TASP1: variants seen among roughly 807,000 people sequenced by gnomAD.
TASP1 encodes the protein taspase 1.
TASP1 carries 16 observed loss-of-function variants against 56.6 expected under a neutral mutation model. That is an observed-to-expected ratio of 0.28 (90% CI 0.19 to 0.43). The LOEUF (loss-of-function observed/expected upper bound fraction) is 0.43, where lower values mean the gene tolerates loss of function less well. Among genes scored for constraint, TASP1 ranks in the 20% least tolerant of loss-of-function variants. TASP1 has a pLI of 1.00. For synonymous variants in TASP1, 179 were observed against 184.2 expected (o/e 0.97, Z 0.23); for missense variants, 393 against 511.6 (o/e 0.77, Z 2.24).
intron 3 of TASP1, among the ~76,000 whole-genome samples, chr20:13,624,910 T>G (rs558315623): frequency 6.6e-6 from 1 of 152,320 alleles, no homozygotes; most frequent in South Asian, 2.1e-4. Flanking sequence ...CTACAGAAGT[T>G]CAACATCGTT....
chr20:13,261,442 A>G, the TASP1 span, among the ~76,000 whole-genome samples: 1 of 152,080 alleles, frequency 6.6e-6, no homozygotes, highest in Non-Finnish European at 1.5e-5. Flanking sequence ...AAAAAAAAGA[A>G]AAAAGAAGCT....
At chr20:13,262,908 C>T in the TASP1 span, among the ~76,000 whole-genome samples, 1 of 152,256 alleles carries the variant, frequency 6.6e-6, no homozygotes, top group Non-Finnish European at 1.5e-5. Flanking sequence ...AAGTAAACAT[C>T]GTTATGATAC....
the TASP1 span, among the ~76,000 whole-genome samples, chr20:13,105,493 T>C: frequency 6.6e-6 from 1 of 152,198 alleles, no homozygotes; most frequent in African/African-American, 2.4e-5. Context: ...TCTTGCGTGT[T>C]ATTTTTAAAA....
the TASP1 span, among the ~76,000 whole-genome samples, chr20:13,223,614 TG>T: frequency 6.6e-6 from 1 of 152,200 alleles, no homozygotes; most frequent in East Asian, 1.9e-4. Flanking sequence ...AGCTTAAAGT[TG>T]TTTTAACTTT....
the TASP1 span, among the ~76,000 whole-genome samples, chr20:13,185,748 GCAA>G: frequency 6.6e-6 from 1 of 152,044 alleles, no homozygotes; most frequent in African/African-American, 2.4e-5. Flanking sequence ...AAAAGTCATG[GCAA>G]CAACATTGCA....
At chr20:13,120,490 T>C in the TASP1 span, among the ~76,000 whole-genome samples, 1 of 152,158 alleles carries the variant, frequency 6.6e-6, no homozygotes, top group Non-Finnish European at 1.5e-5. Context: ...TCCAAAAATC[T>C]AGAAAAAAGA....
chr20:13,479,616 T>C (rs2043064203), intron 11 of TASP1, among the ~76,000 whole-genome samples: 1 of 152,066 alleles, frequency 6.6e-6, no homozygotes, highest in Non-Finnish European at 1.5e-5. Context: ...TGCCTTAGCC[T>C]CCCAAGTAGC....
chr20:13,576,267 A>AGGAAG (rs2046906821), intron 6 of TASP1, among the ~76,000 whole-genome samples: 1 of 144,616 alleles, frequency 6.9e-6, no homozygotes, highest in Non-Finnish European at 1.5e-5. Flanking sequence ...GAGAAGAGAA[A>AGGAAG]GGAAGGGAAG....
the TASP1 span, among the ~76,000 whole-genome samples, chr20:13,121,546 C>T: frequency 6.6e-6 from 1 of 152,136 alleles, no homozygotes; most frequent in African/African-American, 2.4e-5. Flanking sequence ...TTTTGAACTT[C>T]CAAATGGACG....
At chr20:13,557,195 A>G (rs1199035864) in intron 8 of TASP1, among the ~76,000 whole-genome samples, 1 of 152,134 alleles carries the variant, frequency 6.6e-6, no homozygotes, top group Non-Finnish European at 1.5e-5. Context: ...AAAAAACTGG[A>G]AAAAAAATCA....
At chr20:13,359,585 C>T in the TASP1 span, among the ~76,000 whole-genome samples, 6 of 151,156 alleles carry the variant, frequency 4.0e-5, no homozygotes, top group Non-Finnish European at 8.8e-5. Context: ...ACCTGTTTCC[C>T]TTGCCTCCAT....
the TASP1 span, among the ~76,000 whole-genome samples, chr20:13,303,147 T>A: frequency 6.6e-6 from 1 of 152,332 alleles, no homozygotes; most frequent in East Asian, 1.9e-4. Flanking sequence ...GACCACTTGG[T>A]AAATGACAGA....
intron 1 of TASP1, among the ~76,000 whole-genome samples, chr20:13,633,188 TC>T (rs1471598788): frequency 3.3e-5 from 5 of 152,218 alleles, no homozygotes; most frequent in East Asian, 1.9e-4. Context: ...TATGTAACAG[TC>T]TCAAACATAT....
At chr20:13,466,118 T>C (rs927823399) in intron 11 of TASP1, among the ~76,000 whole-genome samples, 1 of 152,064 alleles carries the variant, frequency 6.6e-6, no homozygotes, top group Non-Finnish European at 1.5e-5. Context: ...AGAAACTGGG[T>C]AACTGGTATA....
At chr20:13,115,501 C>T in the TASP1 span, among the ~76,000 whole-genome samples, 2 of 151,442 alleles carry the variant, frequency 1.3e-5, no homozygotes, top group Non-Finnish European at 2.9e-5. Context: ...AAATTCAGTT[C>T]CAGAACAAAA....
At chr20:13,450,697 C>T (rs2043584766) in intron 11 of TASP1, among the ~76,000 whole-genome samples, 1 of 152,098 alleles carries the variant, frequency 6.6e-6, no homozygotes, top group African/African-American at 2.4e-5. Context: ...ACAGTTACTT[C>T]CTCCGATGAA....
intron 8 of TASP1, among the ~76,000 whole-genome samples, chr20:13,544,552 C>T (rs1362281591): frequency 6.6e-6 from 1 of 152,150 alleles, no homozygotes; most frequent in Non-Finnish European, 1.5e-5. Context: ...CAACATGCTA[C>T]TAACATACCG....
the TASP1 span, among the ~76,000 whole-genome samples, chr20:13,128,871 ATT>A: frequency 0.21 from 24,359 of 114,162 alleles, 2,634 homozygotes; most frequent in South Asian, 0.43. Context: ...TGCCCAGCTA[ATT>A]TTTTTTTTTT....
the TASP1 span, among the ~76,000 whole-genome samples, chr20:13,161,017 G>A: frequency 6.6e-6 from 1 of 152,184 alleles, no homozygotes; most frequent in African/African-American, 2.4e-5. Flanking sequence ...GGAGAGGAAA[G>A]GGGCAAAAGG....
Sources: allele counts gnomAD v4.1 joint callset (sites outside exome capture counted in the v4.1 genomes callset), GRCh38; gene constraint gnomAD v4.1.1; transcripts MANE v1.5; gene names NCBI Gene and HGNC (gene_info 2026-07-23, HGNC 2026-07-21).